PDE7A: variants seen among roughly 807,000 people sequenced by gnomAD.
PDE7A encodes the protein phosphodiesterase 7A.
A neutral mutation model predicts 64.3 loss-of-function variants in PDE7A; 39 were observed. The ratio of observed to expected loss-of-function variants is 0.61; its 90% CI spans 0.47 to 0.79. PDE7A has a LOEUF of 0.79. Ranked by LOEUF, PDE7A falls within the 30% of genes least tolerant of loss-of-function variation. The pLI, the probability that PDE7A is intolerant of heterozygous loss-of-function variation, is 0.00. For missense variants in PDE7A, 470 were observed against 582.8 expected (o/e 0.81, Z 1.99); for synonymous variants, 203 against 206.8 (o/e 0.98, Z 0.16).
At chr8:65,829,730 C>A (rs1051729135) in intron 1 of PDE7A, among the ~76,000 whole-genome samples, 22 of 152,042 alleles carry the variant, frequency 1.4e-4, no homozygotes, top group African/African-American at 5.1e-4. Context: ...CCCTTTCAAG[C>A]ATTGATATTC....
intron 4 of PDE7A, among the ~76,000 whole-genome samples, chr8:65,747,411 G>A (rs536735390): frequency 2.0e-5 from 3 of 152,098 alleles, no homozygotes; most frequent in Admixed American, 6.5e-5. Flanking sequence ...TCCTTGTTAC[G>A]TAATGTTATA....
intron 3 of PDE7A, among the ~76,000 whole-genome samples, chr8:65,751,404 T>C (rs1381294018): frequency 2.6e-5 from 4 of 151,870 alleles, no homozygotes; most frequent in African/African-American, 9.7e-5. Flanking sequence ...TGTCCCCTTA[T>C]ACAACCACTC....
chr8:65,766,085 A>T (rs997349561), intron 3 of PDE7A, among the ~76,000 whole-genome samples: 1 of 152,148 alleles, frequency 6.6e-6, no homozygotes, highest in African/African-American at 2.4e-5. Context: ...AGCTGGGATT[A>T]CAGGCGCCCG....
chr8:65,765,111 T>C (rs1034861900), intron 3 of PDE7A, among the ~76,000 whole-genome samples: 2 of 152,198 alleles, frequency 1.3e-5, no homozygotes, highest in Admixed American at 1.3e-4. Context: ...GAAGAGCTTA[T>C]AGGCTACAAT....
intron 5 of PDE7A, among the ~76,000 whole-genome samples, chr8:65,743,933 A>T (rs1379550206): frequency 6.6e-6 from 1 of 151,590 alleles, no homozygotes; most frequent in African/African-American, 2.4e-5. Flanking sequence ...CCCAGATTCA[A>T]GCAATTCTCC....
intron 1 of PDE7A, among the ~76,000 whole-genome samples, chr8:65,825,475 G>GA (rs1340032622): frequency 2.0e-5 from 3 of 152,136 alleles, no homozygotes; most frequent in Non-Finnish European, 2.9e-5. Context: ...TTAAATCCTA[G>GA]AAATACCACT....
intron 1 of PDE7A, among the ~76,000 whole-genome samples, chr8:65,822,168 C>T (rs1248344180): frequency 6.6e-6 from 1 of 152,206 alleles, no homozygotes; most frequent in African/African-American, 2.4e-5. Flanking sequence ...CAGGAGAAAT[C>T]CAGAGACCTT....
chr8:65,796,394 T>C lies in PDE7A; in HGVS notation c.139-13551A>G, dbSNP rs116139990. ...AAAATCCAAAAGCAGACAATGACAT[T>C]ACAAGAAAATAAAACCATAGACTAA... On this transcript the variant is annotated intron_variant, in intron 1 of 12. Coordinates refer to ENST00000401827, the MANE Select transcript of PDE7A (RefSeq NM_001242318.3). 5.9e-3 allele frequency among the ~76,000 whole-genome samples: 893 copies of C among 152,014 alleles called. 9 individuals carry two copies. Among genetic ancestry groups the C allele is most frequent in the African/African-American group, 0.02 (844 of 41,502 alleles).
intron 3 of PDE7A, among the ~76,000 whole-genome samples, chr8:65,763,137 A>G (rs952846789): frequency 2.0e-5 from 3 of 152,116 alleles, no homozygotes; most frequent in African/African-American, 7.2e-5. Context: ...TACAACCAAT[A>G]TTCCCTCCCA....
At chr8:65,826,709 A>T (rs1396046222) in intron 1 of PDE7A, among the ~76,000 whole-genome samples, 1 of 152,212 alleles carries the variant, frequency 6.6e-6, no homozygotes, top group Non-Finnish European at 1.5e-5. Flanking sequence ...CATCTGTAAT[A>T]GTTTCCTAGG....
chr8:65,767,314 T>C (rs1350740380), intron 3 of PDE7A, among the ~76,000 whole-genome samples: 1 of 152,220 alleles, frequency 6.6e-6, no homozygotes, highest in African/African-American at 2.4e-5. Context: ...TCCAACTGCA[T>C]GACCAGAGAC....
At chr8:65,813,634 AAAAG>A (rs1207691919) in intron 1 of PDE7A, among the ~76,000 whole-genome samples, 1 of 152,258 alleles carries the variant, frequency 6.6e-6, no homozygotes, top group African/African-American at 2.4e-5. Context: ...TTCTTAGACT[AAAAG>A]AATGAATCAA....
chr8:65,805,184 A>G (rs1810083053), intron 1 of PDE7A, among the ~76,000 whole-genome samples: 1 of 152,192 alleles, frequency 6.6e-6, no homozygotes, highest in Admixed American at 6.5e-5. Context: ...GTTAAGAATC[A>G]GTTGGATATA....
intron 3 of PDE7A, among the ~76,000 whole-genome samples, chr8:65,765,931 G>GA (rs1340185533): frequency 6.6e-6 from 1 of 152,108 alleles, no homozygotes; most frequent in Non-Finnish European, 1.5e-5. Context: ...ATTTAGAGCA[G>GA]AAAAGAGATG....
At chr8:65,814,367 C>T (rs979592431) in intron 1 of PDE7A, among the ~76,000 whole-genome samples, 3 of 150,600 alleles carry the variant, frequency 2.0e-5, no homozygotes, top group Non-Finnish European at 4.4e-5. Flanking sequence ...AAAAATTAGC[C>T]GGGCGTAGTG....
chr8:65,728,563 G>C (rs1327634618), intron 7 of PDE7A: 2 of 152,044 alleles, frequency 1.3e-5, no homozygotes, highest in Non-Finnish European at 2.9e-5. Context: ...TCCTCTTTAG[G>C]ATATACAAAA....
chr8:65,797,093 A>T (rs779630016), intron 1 of PDE7A, among the ~76,000 whole-genome samples: 5 of 152,210 alleles, frequency 3.3e-5, no homozygotes, highest in Non-Finnish European at 4.4e-5. Context: ...AACCATAAAC[A>T]TAAAATACTT....
rs762233308 is a variant in PDE7A, at chr8:65,788,850, A to C, written c.139-6007T>G. On this transcript the variant is annotated intron_variant, in intron 1 of 12. Coordinates refer to ENST00000401827, the MANE Select transcript of PDE7A (RefSeq NM_001242318.3). ...TATCAAATATGTAAACTAATGATGAATGTCACCATCCTAAAAATAAAGATG... is the reference window on the plus strand; with the variant it reads ...TATCAAATATGTAAACTAATGATGACTGTCACCATCCTAAAAATAAAGATG... 3 of 1,398,522 alleles carry C rather than the reference A, an allele frequency of 2.1e-6. No homozygotes were observed. The Admixed American group carries it at 5.0e-5, about 24-fold the overall frequency. The allele number at this position is 1,398,522 out of a possible 1,614,324, so 86.6% of individuals were successfully genotyped here.
chr8:65,759,377 A>G (rs1452788195), intron 3 of PDE7A, among the ~76,000 whole-genome samples: 1 of 152,230 alleles, frequency 6.6e-6, no homozygotes, highest in Non-Finnish European at 1.5e-5. Context: ...TCAGTCCCTC[A>G]GGGATCCGCC....
Sources: allele counts gnomAD v4.1 joint callset (sites outside exome capture counted in the v4.1 genomes callset), GRCh38; gene constraint gnomAD v4.1.1; transcripts MANE v1.5; gene names NCBI Gene and HGNC (gene_info 2026-07-23, HGNC 2026-07-21).